RNF24: variants seen among roughly 807,000 people sequenced by gnomAD.
The protein encoded by RNF24 is ring finger protein 24.
A neutral mutation model predicts 20.0 loss-of-function variants in RNF24; 14 were observed. That is an observed-to-expected ratio of 0.70 (90% CI 0.46 to 1.10). The LOEUF is 1.10. Among genes scored for constraint, RNF24 ranks in the 50% least tolerant of loss-of-function variants. The probability of loss-of-function intolerance (pLI) is 0.00; values close to 1 mark genes in which losing one functional copy is unlikely to be tolerated. For synonymous variants in RNF24, 45 were observed against 61.1 expected (o/e 0.74, Z 1.23); for missense variants, 124 against 177.6 (o/e 0.70, Z 1.71).
chr20:3,959,383 T>G (rs1015516290), intron 2 of RNF24, among the ~76,000 whole-genome samples: 1 of 152,218 alleles, frequency 6.6e-6, no homozygotes, highest in Non-Finnish European at 1.5e-5. Context: ...ACAACATCTT[T>G]TCTAGATCTA....
In RNF24 at chr20:3,933,342, T is replaced by C; in HGVS notation, c.*721A>G. The C allele has an allele frequency of 2.5e-6, 1 of 397,462 alleles. No homozygotes were observed. The allele number at this position is 397,462 out of a possible 1,614,324, so 24.6% of individuals were successfully genotyped here. Reference sequence around the variant, plus strand: ...AGCCTCCTGGATCACTCAGGGACAGTGTGGACTCAGGGCCCACTCCCTGCT... The same window carrying C: ...AGCCTCCTGGATCACTCAGGGACAGCGTGGACTCAGGGCCCACTCCCTGCT... On this transcript the variant is annotated 3_prime_UTR_variant, in exon 6 of 6. Coordinates refer to ENST00000358395, the MANE Select transcript of RNF24 (RefSeq NM_001134337.3).
chr20:3,994,848 A>C (rs1980735100), intron 1 of RNF24, among the ~76,000 whole-genome samples: 1 of 152,238 alleles, frequency 6.6e-6, no homozygotes, highest in Non-Finnish European at 1.5e-5. Flanking sequence ...AAGACAAAAG[A>C]CTAGAATGCA....
At chr20:3,963,775 GCC>G in intron 2 of RNF24, 98 bp downstream of exon 2, 2 of 944,496 alleles carry the variant, frequency 2.1e-6, no homozygotes, top group Non-Finnish European at 3.1e-6. Flanking sequence ...TTAAAAATTT[GCC>G]AATTATCATA....
chr20:3,993,894 C>T (rs113708802), intron 1 of RNF24, among the ~76,000 whole-genome samples: 2,142 of 152,264 alleles, frequency 0.014, 46 homozygotes, highest in African/African-American at 0.049. Context: ...AAATACCCTT[C>T]GCCTAACTTC....
chr20:3,949,650 C>T (rs1322879543), intron 2 of RNF24, among the ~76,000 whole-genome samples: 1 of 152,076 alleles, frequency 6.6e-6, no homozygotes, highest in Admixed American at 6.6e-5. Flanking sequence ...TGCCACTGTA[C>T]TCCAGCCTGG....
chr20:4,004,920 T>C (rs1981721447), intron 1 of RNF24, among the ~76,000 whole-genome samples: 1 of 152,204 alleles, frequency 6.6e-6, no homozygotes, highest in Admixed American at 6.5e-5. Flanking sequence ...AGAAGAGATT[T>C]AAAAAATATA....
In RNF24 at chr20:3,939,390, G is replaced by A. The variant is rs184565426; in HGVS notation, c.229-4317C>T. 6.4e-3 allele frequency among the ~76,000 whole-genome samples: 976 copies of A among 152,322 alleles called. 8 individuals are homozygous for A. The highest frequency in any genetic ancestry group is 0.022 in the African/African-American group (907 of 41,568). On this transcript the variant is annotated intron_variant, in intron 4 of 5. Coordinates refer to ENST00000358395, the MANE Select transcript of RNF24 (RefSeq NM_001134337.3). Reference sequence around the variant, plus strand: ...TCTTTGTATATAGTATGAGGTAGATGTCTAAATTTATTCTTTTGCATGTAG... The same window carrying A: ...TCTTTGTATATAGTATGAGGTAGATATCTAAATTTATTCTTTTGCATGTAG...
In RNF24 at chr20:3,933,085, T is replaced by C. The variant is rs2146933716; in HGVS notation, c.*978A>G. The C allele has an allele frequency of 2.8e-6, 1 of 362,854 alleles. No individual in the cohort carries two copies. Among genetic ancestry groups the C allele is most frequent in the African/African-American group, 2.8e-5 (1 of 35,240 alleles). 22.5% of individuals were successfully genotyped at this position (362,854 alleles called of 1,614,324 possible). A position where few individuals can be genotyped will look rare whatever the true frequency, so the allele number is the denominator to read the frequency against. The stretch of plus-strand genomic sequence containing the variant: ...AGGCTTTTTTTTTTTTTTTTTTTTT[T>C]TTCTGAAGTAGAAAGAGAGATAGGG... On this transcript the variant is annotated 3_prime_UTR_variant, in exon 6 of 6. Coordinates refer to ENST00000358395, the MANE Select transcript of RNF24 (RefSeq NM_001134337.3).
intron 1 of RNF24, among the ~76,000 whole-genome samples, chr20:3,987,954 A>G (rs969378934): frequency 1.3e-5 from 2 of 152,204 alleles, no homozygotes; most frequent in African/African-American, 4.8e-5. Flanking sequence ...CCAGATGTAT[A>G]GGTAACTAAT....
Position 3,927,671 on chromosome 20 carries a change from C to T in RNF24, c.*6392G>A, listed in dbSNP as rs1041268052. On this transcript the variant is annotated 3_prime_UTR_variant, in exon 6 of 6. Coordinates refer to ENST00000358395, the MANE Select transcript of RNF24 (RefSeq NM_001134337.3). The stretch of plus-strand genomic sequence containing the variant: ...AACACTCTAGGAAGACCAGCTGTCA[C>T]CAGAAGGGAGTTCCTAACACTTGCC... 2 of 152,182 alleles carry T rather than the reference C, an allele frequency of 1.3e-5. No homozygotes were observed. Among genetic ancestry groups the T allele is most frequent in the African/African-American group, 4.8e-5 (2 of 41,430 alleles). 9.4% of individuals were successfully genotyped at this position (152,182 alleles called of 1,614,324 possible). A position where few individuals can be genotyped will look rare whatever the true frequency, so the allele number is the denominator to read the frequency against.
chr20:3,992,876 A>G (rs2147050356), intron 1 of RNF24, among the ~76,000 whole-genome samples: 1 of 152,344 alleles, frequency 6.6e-6, no homozygotes, highest in South Asian at 2.1e-4. Context: ...TACAGTGTTC[A>G]GCTTACTACT....
intron 2 of RNF24, among the ~76,000 whole-genome samples, chr20:3,956,313 T>A (rs2091142512): frequency 6.6e-6 from 1 of 151,682 alleles, no homozygotes; most frequent in Admixed American, 6.6e-5. Context: ...TTGATACACC[T>A]CTTTTTTTGT....
rs539038627 is a variant in RNF24, at chr20:3,934,680, A to G, written c.308+314T>C. ...TTAAATAACTATGGTTTTGATTTAA[A>G]TAAGTTTTTAGGAGATGAGGCTCTC... is the stretch of plus-strand genomic sequence containing the variant. On this transcript the variant is annotated intron_variant, in intron 5 of 5. Transcript: ENST00000358395. The surrounding 1 kb of genome is among the most constrained non-coding windows in gnomAD (Gnocchi z 4.0). 1.2e-4 allele frequency among the ~76,000 whole-genome samples: 19 copies of G among 152,374 alleles called. No individual in the cohort carries two copies. The highest frequency in any genetic ancestry group is 3.4e-3 in the Middle Eastern group (1 of 294).
intron 1 of RNF24, among the ~76,000 whole-genome samples, chr20:3,976,633 A>G (rs1600680540): frequency 1.3e-5 from 2 of 152,358 alleles, no homozygotes; most frequent in Admixed American, 1.3e-4. Context: ...CCCAAATATC[A>G]TTCAATGGGT....
At chr20:3,969,510 A>C (rs562160892) in intron 1 of RNF24, among the ~76,000 whole-genome samples, 1 of 152,054 alleles carries the variant, frequency 6.6e-6, no homozygotes, top group African/African-American at 2.4e-5. Flanking sequence ...TGAAGACAAA[A>C]AAAAAAAAAA....
At position 3,959,862 on chromosome 20, in the gene RNF24, A is replaced by T. The variant is rs117046854; in HGVS notation, c.143+4013T>A. Among the ~76,000 whole-genome samples the T allele has an allele frequency of 3.8e-3, 573 of 152,376 alleles. 2 individuals carry two copies. Among genetic ancestry groups the T allele is most frequent in the Non-Finnish European group, 4.8e-3 (328 of 68,034 alleles). ...CCAGCAAATACTTATCGAGTGCTTAATATCGTGCCAGGCACGATTCTGAGT... is the reference window on the plus strand; with the variant it reads ...CCAGCAAATACTTATCGAGTGCTTATTATCGTGCCAGGCACGATTCTGAGT... On this transcript the variant is annotated intron_variant, in intron 2 of 5. Coordinates refer to ENST00000358395, the MANE Select transcript of RNF24 (RefSeq NM_001134337.3).
chr20:3,928,047 C>T lies in RNF24; in HGVS notation c.*6016G>A, dbSNP rs2090752465. On this transcript the variant is annotated 3_prime_UTR_variant, in exon 6 of 6. Coordinates refer to ENST00000358395, the MANE Select transcript of RNF24 (RefSeq NM_001134337.3). ...TCAAATGGAAGCACACTCCCCAGCA[C>T]ATGGGGATCCCTTATTAATCTTTAC... 1 of 152,208 alleles carries T rather than the reference C, an allele frequency of 6.6e-6. No homozygotes were observed. The allele number at this position is 152,208 out of a possible 1,614,324, so 9.4% of individuals were successfully genotyped here. A position where few individuals can be genotyped will look rare whatever the true frequency, so the allele number is the denominator to read the frequency against.
At chr20:3,991,961 C>CAT (rs60639887) in intron 1 of RNF24, among the ~76,000 whole-genome samples, 4 of 151,282 alleles carry the variant, frequency 2.6e-5, no homozygotes, top group African/African-American at 9.7e-5. Context: ...CACACACACA[C>CAT]GGAATTTCCA....
Position 3,928,194 on chromosome 20 carries a change from C to T in RNF24, c.*5869G>A, listed in dbSNP as rs1356664618. The T allele has an allele frequency of 6.6e-6, 1 of 152,190 alleles. No individual in the cohort carries two copies. Among genetic ancestry groups the T allele is most frequent in the Non-Finnish European group, 1.5e-5 (1 of 68,042 alleles). The allele number at this position is 152,190 out of a possible 1,614,324, so 9.4% of individuals were successfully genotyped here. On this transcript the variant is annotated 3_prime_UTR_variant, in exon 6 of 6. Transcript: ENST00000358395. Reference sequence around the variant, plus strand: ...TGTAACAGCTACAGGAAAAGACACACCCAGGGCCAGAGATTCTACAAATGC... The same window carrying T: ...TGTAACAGCTACAGGAAAAGACACATCCAGGGCCAGAGATTCTACAAATGC...
Sources: allele counts gnomAD v4.1 joint callset (sites outside exome capture counted in the v4.1 genomes callset), GRCh38; gene constraint gnomAD v4.1.1; non-coding constraint Gnocchi (gnomAD v3.1); transcripts MANE v1.5; gene names NCBI Gene and HGNC (gene_info 2026-07-23, HGNC 2026-07-21).